DNAH7: variants seen among roughly 807,000 people sequenced by gnomAD.
DNAH7 encodes dynein axonemal heavy chain 7.
Under a neutral mutation model 444.6 loss-of-function variants are expected in DNAH7, and 397 were observed. The ratio of observed to expected loss-of-function variants is 0.89; its 90% CI spans 0.82 to 0.97. The LOEUF (loss-of-function observed/expected upper bound fraction) is 0.97, where lower values mean the gene tolerates loss of function less well. Ranked by LOEUF, DNAH7 falls within the 50% of genes least tolerant of loss-of-function variation. The probability of loss-of-function intolerance (pLI) is 0.00; values close to 1 mark genes in which losing one functional copy is unlikely to be tolerated. For missense variants in DNAH7, 4,902 were observed against 4,800.8 expected, an observed-to-expected ratio of 1.02 and a Z score of -0.62; for synonymous variants, 1,636 against 1,624.4, an observed-to-expected ratio of 1.01 and a Z score of -0.17.
At chr2:195,901,481 C>A (rs1425297447) in intron 27 of DNAH7, 1 of 151,962 alleles carries the variant, frequency 6.6e-6, no homozygotes, top group Non-Finnish European at 1.5e-5. Context: ...TGTATCAATT[C>A]TTTTTCGTCT....
chr2:195,973,329 T>A (rs12621689), intron 15 of DNAH7, among the ~76,000 whole-genome samples: 1,733 of 152,312 alleles, frequency 0.011, 35 homozygotes, highest in East Asian at 0.072. Context: ...TGTCATGGAA[T>A]GAAATTCTTG....
intron 19 of DNAH7, among the ~76,000 whole-genome samples, chr2:195,947,914 T>C (rs1458996387): frequency 6.6e-6 from 1 of 152,158 alleles, no homozygotes; most frequent in Non-Finnish European, 1.5e-5. Flanking sequence ...CCACCAACAC[T>C]GTAAAAACGT....
chr2:196,020,320 C>T (rs1023295188), intron 8 of DNAH7, among the ~76,000 whole-genome samples: 1 of 152,040 alleles, frequency 6.6e-6, no homozygotes, highest in African/African-American at 2.4e-5. Context: ...GTGGCCCTTA[C>T]CCCCGTGTTA....
chr2:195,999,205 T>C (rs952758595), intron 12 of DNAH7: 1 of 717,348 alleles, frequency 1.4e-6, no homozygotes, highest in East Asian at 2.7e-5. Context: ...CCTTTGAATA[T>C]GAGAAAAGTA....
At chr2:196,053,704 A>T (rs73044649) in intron 2 of DNAH7, among the ~76,000 whole-genome samples, 7 of 152,110 alleles carry the variant, frequency 4.6e-5, no homozygotes, top group African/African-American at 1.7e-4. Context: ...AACATTTTAA[A>T]GCCCCCTGTT....
At chr2:195,941,870 A>G (rs1477390035) in intron 19 of DNAH7, among the ~76,000 whole-genome samples, 1 of 152,140 alleles carries the variant, frequency 6.6e-6, no homozygotes, top group Non-Finnish European at 1.5e-5. Flanking sequence ...CTCAGGGCCC[A>G]TTTGCCTAAA....
chr2:195,965,256 A>G (rs1190229505), intron 17 of DNAH7, among the ~76,000 whole-genome samples: 2 of 152,182 alleles, frequency 1.3e-5, no homozygotes, highest in Admixed American at 1.3e-4. Context: ...TTCTCTTTAT[A>G]TGATGCATCA....
Position 195,887,349 on chromosome 2 carries a change from G to A in DNAH7, c.5406+909C>T, listed in dbSNP as rs190231962. 3.2e-3 allele frequency among the ~76,000 whole-genome samples: 484 copies of A among 151,496 alleles called. 2 individuals carry two copies. The highest frequency in any genetic ancestry group is 9.7e-3 in the South Asian group (47 of 4,824). ...ACTGTTTTTGAAACATGATTACTTCGTATCTACAACATATTTCAGTTACAG... is the reference window on the plus strand; with the variant it reads ...ACTGTTTTTGAAACATGATTACTTCATATCTACAACATATTTCAGTTACAG... On this transcript the variant is annotated intron_variant, in intron 33 of 64. Coordinates refer to ENST00000312428, the MANE Select transcript of DNAH7 (RefSeq NM_018897.3).
chr2:195,987,059 T>G lies in DNAH7; in HGVS notation c.1754+7A>C, dbSNP rs1219006738. On this transcript the variant is annotated splice_region_variant and intron_variant, in intron 14 of 64. Coordinates refer to ENST00000312428, the MANE Select transcript of DNAH7 (RefSeq NM_018897.3). ...AAAAAATAAAAAAACCAGTATCACA[T>G]AAATACCTTGTATTTACTTCCTGAT... 1.3e-6 allele frequency: 2 copies of G among 1,587,190 alleles called. No homozygotes were observed. The highest frequency in any genetic ancestry group is 1.4e-5 in the African/African-American group (1 of 73,368).
rs1473713973 is a variant in DNAH7 at position 195,987,090 on chromosome 2, C to G, written c.1730G>C (p.Arg577Thr). 1 of 1,603,914 alleles carries G rather than the reference C, an allele frequency of 6.2e-7. No individual in the cohort carries two copies. The highest frequency in any genetic ancestry group is 8.5e-7 in the Non-Finnish European group (1 of 1,177,316). Residue 577 changes from arginine (R) to threonine (T), a missense_variant, in exon 14 of 65, where the codon AGA becomes ACA. By Grantham distance (71) the Arg-to-Thr change is moderately conservative. Transcript: ENST00000312428. ...ICGKLLAKMF[R>T]DHQEVNTRLC... ...CCTTGTATTTACTTCCTGATGATCT[C>G]TGAACATTTTAGCTAGAAGTTTCCC...
chr2:195,793,304 C>T (rs971663846), intron 57 of DNAH7, among the ~76,000 whole-genome samples: 1 of 152,118 alleles, frequency 6.6e-6, no homozygotes, highest in Admixed American at 6.5e-5. Flanking sequence ...AAAGTTAAAA[C>T]AAAAATTATG....
At chr2:195,996,342 A>C (rs370189199) in intron 12 of DNAH7, among the ~76,000 whole-genome samples, 10 of 152,332 alleles carry the variant, frequency 6.6e-5, no homozygotes, top group Middle Eastern at 3.4e-3. Context: ...ATAAGCAAAC[A>C]AATCTTAACA....
chr2:195,776,676 A>T (rs575837177), intron 59 of DNAH7, among the ~76,000 whole-genome samples: 161 of 152,208 alleles, frequency 1.1e-3, no homozygotes, highest in African/African-American at 3.8e-3. Context: ...ACTGTAAAAA[A>T]TTCACCCAAT....
chr2:195,930,046 T>A (rs1688587202), intron 21 of DNAH7, among the ~76,000 whole-genome samples: 1 of 152,018 alleles, frequency 6.6e-6, no homozygotes, highest in African/African-American at 2.4e-5. Context: ...AACAACCCAA[T>A]TAAAAAATGA....
chr2:196,022,511 T>G (rs565688570), intron 8 of DNAH7, among the ~76,000 whole-genome samples: 15 of 152,346 alleles, frequency 9.8e-5, no homozygotes, highest in African/African-American at 3.6e-4. Flanking sequence ...GAATCCATCT[T>G]AAGAAACCAC....
Position 195,858,674 on chromosome 2 carries a change from C to A in DNAH7, c.7867G>T (p.Val2623Phe). ...TCAATCATTATCATCATTTCATCAA[C>A]CTCTTTGCTAGCAACTTTTAATTGA... Reference protein sequence around the residue: ...HPQLKVASKEVDEMMIMIEKE... With the variant: ...HPQLKVASKEFDEMMIMIEKE... The change falls in exon 43 of 65, where the codon GTT becomes TTT. Residue 2623 changes from valine to phenylalanine, a missense_variant. Val to Phe is a conservative substitution (Grantham distance 50). Transcript: ENST00000312428. 6.2e-7 allele frequency: 1 copy of A among 1,614,044 alleles called. No homozygotes were observed. Among genetic ancestry groups the A allele is most frequent in the African/African-American group, 1.3e-5 (1 of 75,028 alleles).
intron 54 of DNAH7, among the ~76,000 whole-genome samples, chr2:195,805,025 A>G (rs1401114381): frequency 2.0e-5 from 3 of 152,112 alleles, no homozygotes; most frequent in Admixed American, 2.0e-4. Flanking sequence ...CCCACCAAAA[A>G]AACCCCTCAG....
At position 196,012,875 on chromosome 2, in the gene DNAH7, G is replaced by A. The variant is rs370042201; in HGVS notation, c.901C>T (p.His301Tyr). ...KLRLVDIKEF[H>Y]NCQDALELSS... ...AGCTCTAATGCATCCTGGCAATTATGAAATTCTTTGATATCAACTAAACGT... is the reference window on the plus strand; with the variant it reads ...AGCTCTAATGCATCCTGGCAATTATAAAATTCTTTGATATCAACTAAACGT... Residue 301 changes from histidine (H) to tyrosine (Y), a missense_variant, in exon 10 of 65, where the codon CAT becomes TAT. Physicochemically the swap from His to Tyr is moderately conservative, Grantham distance 83. Coordinates refer to ENST00000312428, the MANE Select transcript of DNAH7 (RefSeq NM_018897.3). 9.2e-5 allele frequency: 140 copies of A among 1,523,440 alleles called. No homozygotes were observed. The highest frequency in any genetic ancestry group is 1.7e-4 in the Middle Eastern group (1 of 5,720). 94.4% of individuals were successfully genotyped at this position (1,523,440 alleles called of 1,614,324 possible). A position where few individuals can be genotyped will look rare whatever the true frequency, so the allele number is the denominator to read the frequency against.
At chr2:195,875,538 T>C (rs909092312) in intron 38 of DNAH7, 137 bp downstream of exon 38, 1 of 786,578 alleles carries the variant, frequency 1.3e-6, no homozygotes, top group South Asian at 2.2e-5. Context: ...ATACACTCTG[T>C]TAGGTCACAA....
Sources: gnomAD v4.1 joint callset for allele counts (sites outside exome capture counted in the v4.1 genomes callset) on GRCh38, gnomAD v4.1.1 for gene constraint, MANE v1.5 for transcripts, NCBI Gene and HGNC (gene_info 2026-07-23, HGNC 2026-07-21) for gene names.